AKAP19: variants seen among roughly 807,000 people sequenced by gnomAD.
AKAP19 encodes A-kinase anchoring protein 19, also known as small A-kinase anchoring protein.
the AKAP19 span, among the ~76,000 whole-genome samples, chr2:189,881,500 A>T: frequency 1.3e-5 from 2 of 152,212 alleles, no homozygotes; most frequent in South Asian, 4.1e-4. Context: ...AATAAACAAA[A>T]GAACAATCCT....
chr2:189,997,680 C>G, the AKAP19 span, among the ~76,000 whole-genome samples: 1 of 152,126 alleles, frequency 6.6e-6, no homozygotes, highest in Non-Finnish European at 1.5e-5. Flanking sequence ...GACCTTGCCC[C>G]AGGATATAAA....
chr2:190,024,330 A>G, the AKAP19 span, among the ~76,000 whole-genome samples: 5,186 of 149,464 alleles, frequency 0.035, 284 homozygotes, highest in African/African-American at 0.12. Flanking sequence ...GTGTGTGTGT[A>G]TATATATATA....
At chr2:189,917,424 A>G in the AKAP19 span, 2 of 803,130 alleles carry the variant, frequency 2.5e-6, no homozygotes, top group Admixed American at 2.1e-5. Flanking sequence ...TCTCAAAACC[A>G]TGTCTGTTTT....
the AKAP19 span, among the ~76,000 whole-genome samples, chr2:190,046,427 C>T: frequency 6.6e-6 from 1 of 152,216 alleles, no homozygotes; most frequent in African/African-American, 2.4e-5. Context: ...CACTTCTCCC[C>T]TTGACTAGTC....
the AKAP19 span, among the ~76,000 whole-genome samples, chr2:189,977,062 C>T: frequency 6.6e-6 from 1 of 152,202 alleles, no homozygotes; most frequent in Non-Finnish European, 1.5e-5. Flanking sequence ...CCGTCCTCTG[C>T]ATCGCTCACG....
At chr2:190,041,782 TTTTGTC>T in the AKAP19 span, among the ~76,000 whole-genome samples, 1 of 152,340 alleles carries the variant, frequency 6.6e-6, no homozygotes, top group African/African-American at 2.4e-5. Flanking sequence ...ATCATGTGGT[TTTTGTC>T]TTTAGTTCTG....
chr2:190,061,369 C>CA, the AKAP19 span, among the ~76,000 whole-genome samples: 1 of 152,052 alleles, frequency 6.6e-6, no homozygotes, highest in East Asian at 1.9e-4. Flanking sequence ...GAGCTGACTG[C>CA]AAAAGGAATT....
the AKAP19 span, among the ~76,000 whole-genome samples, chr2:190,027,572 A>G: frequency 6.6e-6 from 1 of 152,214 alleles, no homozygotes; most frequent in Non-Finnish European, 1.5e-5. Context: ...TGATACTCTA[A>G]TATTTCTGAG....
the AKAP19 span, among the ~76,000 whole-genome samples, chr2:189,892,442 G>A: frequency 0.033 from 4,955 of 152,230 alleles, 269 homozygotes; most frequent in African/African-American, 0.11. Flanking sequence ...TTTTGTTGAT[G>A]TTGATGCTAT....
At chr2:190,057,814 A>G in the AKAP19 span, among the ~76,000 whole-genome samples, 31 of 152,184 alleles carry the variant, frequency 2.0e-4, no homozygotes, top group Admixed American at 6.6e-4. Context: ...TTTTCCCCTT[A>G]TGTCTCAAAA....
At chr2:190,011,557 C>A in the AKAP19 span, among the ~76,000 whole-genome samples, 2 of 152,080 alleles carry the variant, frequency 1.3e-5, no homozygotes, top group Non-Finnish European at 2.9e-5. Flanking sequence ...AGTGGTTTTG[C>A]AGTTTCAGGT....
At chr2:189,912,344 C>T in the AKAP19 span, among the ~76,000 whole-genome samples, 2 of 152,172 alleles carry the variant, frequency 1.3e-5, no homozygotes, top group South Asian at 4.2e-4. Flanking sequence ...AGTTCGAGAC[C>T]AGCCTGGCCA....
chr2:190,171,484 GT>G, the AKAP19 span, among the ~76,000 whole-genome samples: 47,386 of 151,528 alleles, frequency 0.31, 7,435 homozygotes, highest in Middle Eastern at 0.36. Context: ...GCATTGTAAA[GT>G]TTTTTTTGTA....
At chr2:190,081,852 A>C in the AKAP19 span, among the ~76,000 whole-genome samples, 2 of 152,130 alleles carry the variant, frequency 1.3e-5, no homozygotes, top group African/African-American at 4.8e-5. Flanking sequence ...CCCCCATTCC[A>C]CAACTGACTT....
At chr2:190,134,005 A>G in the AKAP19 span, among the ~76,000 whole-genome samples, 2 of 152,248 alleles carry the variant, frequency 1.3e-5, no homozygotes, top group Non-Finnish European at 1.5e-5. Context: ...TCACAAATAC[A>G]TGAGGTAATA....
the AKAP19 span, among the ~76,000 whole-genome samples, chr2:190,194,477 T>TACACACACACACACAC: frequency 1.8e-4 from 25 of 141,476 alleles, no homozygotes; most frequent in Middle Eastern, 3.6e-3. Flanking sequence ...ATCCTGTGTA[T>TACACACACACACACAC]ACACACACAC....
chr2:189,999,876 C>T, the AKAP19 span, among the ~76,000 whole-genome samples: 5,268 of 152,208 alleles, frequency 0.035, 288 homozygotes, highest in African/African-American at 0.12. Context: ...GGACATATGA[C>T]GTAATGTGAC....
the AKAP19 span, among the ~76,000 whole-genome samples, chr2:190,039,069 C>T: frequency 8.7e-3 from 1,175 of 134,962 alleles, 11 homozygotes; most frequent in Non-Finnish European, 0.015. Context: ...TCTTCTTCCT[C>T]TTCTTTTTTT....
chr2:190,151,960 G>A, the AKAP19 span, among the ~76,000 whole-genome samples: 54 of 151,050 alleles, frequency 3.6e-4, no homozygotes, highest in Non-Finnish European at 5.0e-4. Context: ...CTGGGATTGT[G>A]CCACTGCACT....
Sources: allele counts gnomAD v4.1 joint callset (sites outside exome capture counted in the v4.1 genomes callset), GRCh38; gene constraint gnomAD v4.1.1; transcripts MANE v1.5; gene names NCBI Gene and HGNC (gene_info 2026-07-23, HGNC 2026-07-21).